Variants in GALNT14 observed in about 807,000 individuals in gnomAD.
The protein encoded by GALNT14 is polypeptide N-acetylgalactosaminyltransferase 14, also known as UDP-GalNAc:polypeptide N-acetylgalactosaminyltransferase 14.
Under a neutral mutation model 77.5 loss-of-function variants are expected in GALNT14, and 60 were observed. The ratio of observed to expected loss-of-function variants is 0.77; its 90% CI spans 0.63 to 0.96. GALNT14 has a LOEUF of 0.96. Among genes scored for constraint, GALNT14 ranks in the 40% least tolerant of loss-of-function variants. The pLI is 0.00. For synonymous variants in GALNT14, 280 were observed against 281.7 expected, an observed-to-expected ratio of 0.99 and a Z score of 0.06; for missense variants, 710 against 731.0, an observed-to-expected ratio of 0.97 and a Z score of 0.33.
the GALNT14 span, among the ~76,000 whole-genome samples, chr2:30,893,015 C>CA: frequency 1.3e-5 from 2 of 151,984 alleles, no homozygotes; most frequent in Non-Finnish European, 2.9e-5. Flanking sequence ...AAATCAAATT[C>CA]AAAAAATTGA....
intron 13 of GALNT14, among the ~76,000 whole-genome samples, chr2:30,915,466 G>C (rs978284873): frequency 2.0e-5 from 3 of 152,172 alleles, no homozygotes; most frequent in Non-Finnish European, 4.4e-5. Context: ...CTGATGTCTG[G>C]CCACATCTGA....
intron 6 of GALNT14, among the ~76,000 whole-genome samples, chr2:30,949,936 G>A (rs1454191712): frequency 6.6e-6 from 1 of 152,198 alleles, no homozygotes; most frequent in East Asian, 1.9e-4. Flanking sequence ...GACATTGTGG[G>A]GAAAGACAAG....
At chr2:31,124,517 A>C (rs1024079454) in intron 1 of GALNT14, among the ~76,000 whole-genome samples, 2 of 152,126 alleles carry the variant, frequency 1.3e-5, no homozygotes, top group Admixed American at 6.5e-5. Flanking sequence ...AGGAACCTCA[A>C]CTCCCTCACT....
At chr2:30,917,884 GCCTTGAAGCTCTC>G (rs1213866032) in intron 13 of GALNT14, among the ~76,000 whole-genome samples, 1 of 152,230 alleles carries the variant, frequency 6.6e-6, no homozygotes, top group Admixed American at 6.5e-5. Context: ...CTGAGACATA[GCCTTGAAGCTCTC>G]CCTTCAAACA....
chr2:31,014,021 A>G (rs557260993), intron 1 of GALNT14, among the ~76,000 whole-genome samples: 1 of 152,308 alleles, frequency 6.6e-6, no homozygotes, highest in African/African-American at 2.4e-5. Flanking sequence ...AAATTTTCTC[A>G]AGACCTATGC....
intron 1 of GALNT14, chr2:31,114,689 A>T: frequency 2.8e-6 from 2 of 702,008 alleles, no homozygotes; most frequent in East Asian, 5.4e-5. Flanking sequence ...GAAGGGGAAA[A>T]AGGAACAAAT....
At chr2:31,123,544 T>C (rs1678529121) in intron 1 of GALNT14, among the ~76,000 whole-genome samples, 1 of 152,216 alleles carries the variant, frequency 6.6e-6, no homozygotes. Flanking sequence ...TGGGGACAAG[T>C]GGATTGCGGC....
chr2:30,927,812 A>T (rs1665481036), intron 11 of GALNT14, among the ~76,000 whole-genome samples: 1 of 152,210 alleles, frequency 6.6e-6, no homozygotes, highest in Admixed American at 6.5e-5. Context: ...GCCAGTGGGC[A>T]GACTGCAGGC....
intron 1 of GALNT14, among the ~76,000 whole-genome samples, chr2:31,092,755 T>C (rs1056788415): frequency 1.3e-5 from 2 of 152,176 alleles, no homozygotes; most frequent in Non-Finnish European, 1.5e-5. Flanking sequence ...GAAAAACAAA[T>C]GTACAGTGTA....
intron 1 of GALNT14, among the ~76,000 whole-genome samples, chr2:31,100,173 A>G (rs1160534245): frequency 6.6e-6 from 1 of 152,082 alleles, no homozygotes; most frequent in African/African-American, 2.4e-5. Context: ...CTCACTTAAC[A>G]TCATTGATAG....
chr2:31,059,371 T>G (rs987812636), intron 1 of GALNT14, among the ~76,000 whole-genome samples: 1 of 152,178 alleles, frequency 6.6e-6, no homozygotes, highest in African/African-American at 2.4e-5. Context: ...GAATAAATAC[T>G]CTCAGGAATT....
intron 1 of GALNT14, among the ~76,000 whole-genome samples, chr2:31,019,996 C>T (rs1396058238): frequency 6.6e-6 from 1 of 152,112 alleles, no homozygotes; most frequent in East Asian, 1.9e-4. Flanking sequence ...CTGTGAAAGC[C>T]GATTACATGC....
chr2:31,126,987 C>T (rs1678735922), intron 1 of GALNT14: 2 of 152,180 alleles, frequency 1.3e-5, no homozygotes, highest in African/African-American at 4.8e-5. Flanking sequence ...GGCTCTGACC[C>T]TAAATGAGGT....
intron 1 of GALNT14, among the ~76,000 whole-genome samples, chr2:31,085,548 G>A (rs1676385291): frequency 6.6e-6 from 1 of 152,230 alleles, no homozygotes; most frequent in Admixed American, 6.5e-5. Flanking sequence ...GCACTGATGT[G>A]CTCCATGCCA....
chr2:31,011,072 G>A (rs193224342), intron 1 of GALNT14, among the ~76,000 whole-genome samples: 20 of 152,208 alleles, frequency 1.3e-4, no homozygotes, highest in Non-Finnish European at 2.8e-4. Flanking sequence ...GAAGGAGGGA[G>A]GGAAGGGATA....
At chr2:31,054,096 C>T (rs1298744442) in intron 1 of GALNT14, among the ~76,000 whole-genome samples, 1 of 152,242 alleles carries the variant, frequency 6.6e-6, no homozygotes, top group Non-Finnish European at 1.5e-5. Context: ...GTCAGCATCC[C>T]TGCCTGCAAG....
intron 13 of GALNT14, among the ~76,000 whole-genome samples, chr2:30,921,727 C>T (rs905424462): frequency 6.6e-6 from 1 of 152,150 alleles, no homozygotes; most frequent in Admixed American, 6.5e-5. Flanking sequence ...GAGGCTTTTG[C>T]TGTAATCTAA....
chr2:30,998,653 G>C (rs1324871339), intron 1 of GALNT14, among the ~76,000 whole-genome samples: 1 of 152,070 alleles, frequency 6.6e-6, no homozygotes, highest in Non-Finnish European at 1.5e-5. Flanking sequence ...ACAATAATAG[G>C]TACCAATATT....
the GALNT14 span, among the ~76,000 whole-genome samples, chr2:30,903,306 T>C: frequency 1.3e-4 from 20 of 152,258 alleles, no homozygotes; most frequent in Admixed American, 4.6e-4. Flanking sequence ...GATTCTAAAA[T>C]GGCTCCCAGC....
Sources: gnomAD v4.1 joint callset for allele counts (sites outside exome capture counted in the v4.1 genomes callset) on GRCh38, gnomAD v4.1.1 for gene constraint, MANE v1.5 for transcripts, NCBI Gene and HGNC (gene_info 2026-07-23, HGNC 2026-07-21) for gene names.